Variants in OCA2 observed in about 807,000 individuals in gnomAD.
The protein encoded by OCA2 is P protein.
A neutral mutation model predicts 100.2 loss-of-function variants in OCA2; 77 were observed. The observed-to-expected ratio is 0.77, with a 90% CI of 0.64 to 0.93. The LOEUF (loss-of-function observed/expected upper bound fraction) is 0.93. Ranked by LOEUF, OCA2 falls within the 40% of genes least tolerant of loss-of-function variation. The probability of loss-of-function intolerance (pLI) is 0.00; values close to 1 mark genes in which losing one functional copy is unlikely to be tolerated. For synonymous variants in OCA2, 432 were observed against 439.2 expected (o/e 0.98, Z 0.21); for missense variants, 1,062 against 1,089.1 (o/e 0.98, Z 0.35).
chr15:27,930,854 G>A (rs2039223440), intron 18 of OCA2, among the ~76,000 whole-genome samples: 1 of 151,994 alleles, frequency 6.6e-6, no homozygotes, highest in Non-Finnish European at 1.5e-5. Context: ...AATTTTCTTA[G>A]AATATTTTTT....
At chr15:27,821,223 G>C (rs2034489333) in intron 23 of OCA2, among the ~76,000 whole-genome samples, 1 of 152,132 alleles carries the variant, frequency 6.6e-6, no homozygotes, top group Non-Finnish European at 1.5e-5. Flanking sequence ...ACACTCTTAA[G>C]ATGGTTATTT....
intron 18 of OCA2, among the ~76,000 whole-genome samples, chr15:27,942,565 A>G (rs1177880463): frequency 3.3e-5 from 5 of 152,268 alleles, no homozygotes; most frequent in African/African-American, 9.6e-5. Context: ...GGGAATGAGG[A>G]AAGTGTTCTG....
intron 19 of OCA2, among the ~76,000 whole-genome samples, chr15:27,876,734 A>C (rs1013582945): frequency 1.3e-5 from 2 of 151,888 alleles, no homozygotes; most frequent in Non-Finnish European, 2.9e-5. Context: ...TAAATTTGTT[A>C]ATAGATTCTC....
intron 5 of OCA2, 113 bp from the exon 6 acceptor site, chr15:28,022,686 C>T (rs993687381): frequency 1.3e-6 from 1 of 751,616 alleles, no homozygotes; most frequent in Non-Finnish European, 2.4e-6. Flanking sequence ...TGTGTGCATC[C>T]AGTACGCGCC....
intron 2 of OCA2, among the ~76,000 whole-genome samples, chr15:28,060,411 G>A (rs1194715005): frequency 6.6e-6 from 1 of 152,200 alleles, no homozygotes; most frequent in Non-Finnish European, 1.5e-5. Context: ...TGACTTGTCT[G>A]TTCTAAGCCA....
intron 21 of OCA2, among the ~76,000 whole-genome samples, chr15:27,855,448 C>G (rs1422559606): frequency 6.6e-6 from 1 of 152,216 alleles, no homozygotes; most frequent in African/African-American, 2.4e-5. Context: ...CACATCTCCA[C>G]CTAGGCACAT....
intron 2 of OCA2, among the ~76,000 whole-genome samples, chr15:28,076,218 C>A (rs77990568): frequency 0.011 from 1,724 of 152,238 alleles, 30 homozygotes; most frequent in African/African-American, 0.038. Context: ...GTTAGAGGCA[C>A]GATGTTGTGT....
At chr15:28,082,459 C>A (rs1361407563) in intron 1 of OCA2, among the ~76,000 whole-genome samples, 3 of 152,158 alleles carry the variant, frequency 2.0e-5, no homozygotes, top group Admixed American at 1.3e-4. Flanking sequence ...AGCAAGAACC[C>A]ACCAGAAGGA....
intron 18 of OCA2, among the ~76,000 whole-genome samples, chr15:27,935,810 T>C (rs900861894): frequency 2.0e-5 from 3 of 152,238 alleles, no homozygotes; most frequent in Admixed American, 1.3e-4. Flanking sequence ...TTTGAAACCT[T>C]GTCATCTTTT....
chr15:27,750,737 G>A (rs575969575), downstream of OCA2, among the ~76,000 whole-genome samples: 43 of 152,302 alleles, frequency 2.8e-4, no homozygotes, highest in South Asian at 4.1e-4. Context: ...AAAGACCAGC[G>A]GTGTGCTTAA....
At chr15:27,935,507 C>T (rs965048687) in intron 18 of OCA2, among the ~76,000 whole-genome samples, 1 of 152,206 alleles carries the variant, frequency 6.6e-6, no homozygotes, top group African/African-American at 2.4e-5. Context: ...CAGCCTCCTC[C>T]GCACAGGCAT....
intron 2 of OCA2, among the ~76,000 whole-genome samples, chr15:28,081,221 T>C (rs2141891703): frequency 6.6e-6 from 1 of 152,328 alleles, no homozygotes; most frequent in East Asian, 1.9e-4. Context: ...ATTTAACCCC[T>C]GAATCTAAAA....
intron 2 of OCA2, among the ~76,000 whole-genome samples, chr15:28,073,248 T>A (rs2044321270): frequency 6.6e-6 from 1 of 152,136 alleles, no homozygotes; most frequent in Non-Finnish European, 1.5e-5. Context: ...ACCCCGTCTC[T>A]ATTAAAAATA....
the OCA2 span, among the ~76,000 whole-genome samples, chr15:27,737,259 G>A: frequency 3.9e-5 from 6 of 152,264 alleles, no homozygotes; most frequent in African/African-American, 1.4e-4. Context: ...CAATGCAATT[G>A]TAATCAAAAT....
chr15:28,055,306 T>C (rs2043655454), intron 2 of OCA2, among the ~76,000 whole-genome samples: 1 of 152,200 alleles, frequency 6.6e-6, no homozygotes, highest in Non-Finnish European at 1.5e-5. Context: ...TCTTCACATA[T>C]TTGTTTTTTC....
intron 1 of OCA2, among the ~76,000 whole-genome samples, chr15:28,091,098 G>C (rs1000521381): frequency 6.6e-6 from 1 of 152,112 alleles, no homozygotes; most frequent in Admixed American, 6.6e-5. Context: ...GGAAAACTTA[G>C]TGATTCCTCA....
At chr15:27,814,578 T>C (rs1474945128) in intron 23 of OCA2, among the ~76,000 whole-genome samples, 1 of 152,164 alleles carries the variant, frequency 6.6e-6, no homozygotes, top group Admixed American at 6.5e-5. Flanking sequence ...GGTGTGTTCA[T>C]ATTAAAATAA....
At chr15:27,772,383 T>C (rs2031932813) in intron 23 of OCA2, among the ~76,000 whole-genome samples, 1 of 152,232 alleles carries the variant, frequency 6.6e-6, no homozygotes, top group African/African-American at 2.4e-5. Flanking sequence ...TTCCCTCTCA[T>C]TTTTATTTTG....
chr15:27,785,981 C>A (rs937684041), intron 23 of OCA2, among the ~76,000 whole-genome samples: 1 of 152,114 alleles, frequency 6.6e-6, no homozygotes, highest in African/African-American at 2.4e-5. Flanking sequence ...GAAAGAAGCC[C>A]AACACCAAAG....
Sources: gnomAD v4.1 joint callset for allele counts (sites outside exome capture counted in the v4.1 genomes callset) on GRCh38, gnomAD v4.1.1 for gene constraint, MANE v1.5 for transcripts, NCBI Gene and HGNC (gene_info 2026-07-23, HGNC 2026-07-21) for gene names.